Variants in POU6F1 observed in about 807,000 individuals in gnomAD.
The protein encoded by POU6F1 is POU class 6 homeobox 1, also known as POU domain, class 6, transcription factor 1.
In POU6F1, 9 loss-of-function variants were observed where a neutral mutation model predicts 28.9. The observed-to-expected ratio is 0.31, with a 90% confidence interval of 0.19 to 0.54. The LOEUF is 0.54. POU6F1 is among the 20% of genes least tolerant of loss of function. The pLI is 0.94. For missense variants in POU6F1, 338 were observed against 426.1 expected (o/e 0.79, Z 1.82); for synonymous variants, 173 against 171.1 (o/e 1.01, Z -0.09).
In POU6F1 at chr12:51,190,583, C is replaced by T. The variant is rs1942336691; in HGVS notation, c.1500G>A (p.Lys500=). 1 of 1,612,470 alleles carries T rather than the reference C, an allele frequency of 6.2e-7. No homozygotes were observed. Among genetic ancestry groups the T allele is most frequent in the East Asian group, 2.2e-5 (1 of 44,866 alleles). The change falls in exon 11 of 11, where the codon AAG becomes AAA. Residue 500 remains lysine (K), a synonymous_variant. Coordinates refer to ENST00000333640, the MANE Select transcript of POU6F1 (RefSeq NM_001330422.2). The surrounding 1 kb of genome is among the most constrained non-coding windows in gnomAD (Gnocchi z 4.5). ...GGGCACTCTTGGGTGTGATGTCTAG[C>T]TTCTCGAACCTGTGGGCAACCCATA... ...YSQSAICRFE[K]LDITPKSAQK... is the part of the protein sequence containing the mutation.
chr12:51,208,148 G>A (rs771494503), intron 1 of POU6F1, among the ~76,000 whole-genome samples: 8 of 151,220 alleles, frequency 5.3e-5, no homozygotes, highest in East Asian at 1.9e-4. Flanking sequence ...GCATGATGGC[G>A]CATGCCTATA....
chr12:51,211,552 G>A (rs1222400813), intron 1 of POU6F1, among the ~76,000 whole-genome samples: 1 of 152,066 alleles, frequency 6.6e-6, no homozygotes, highest in Non-Finnish European at 1.5e-5. Flanking sequence ...ATATCTTCCT[G>A]GGCAATGCAG....
rs1394106429 is a variant in POU6F1 at position 51,190,794 on chromosome 12, C to T, written c.1491-202G>A. On this transcript the variant is annotated intron_variant, in intron 10 of 10. Transcript: ENST00000333640. This position sits in a 1 kb window ranked among gnomAD's most constrained non-coding sequence, Gnocchi z 4.5. ...GACTCCTCAGACCCTCTGATGTGCC[C>T]GGTCCTAACAGGGAAACCATTCCCA... Among the ~76,000 whole-genome samples, 2 of 152,142 alleles carry T rather than the reference C, an allele frequency of 1.3e-5. No individual in the cohort carries two copies. Among genetic ancestry groups the T allele is most frequent in the African/African-American group, 2.4e-5 (1 of 41,440 alleles).
At chr12:51,198,299 T>TG (rs1698088204) in intron 5 of POU6F1, 4 of 395,216 alleles carry the variant, frequency 1.0e-5, no homozygotes, top group East Asian at 3.6e-5. Flanking sequence ...AGTTCTGGCG[T>TG]GGGGGGAGAG....
Position 51,198,587 on chromosome 12 carries a change from C to T in POU6F1, c.555G>A (p.Thr185=), listed in dbSNP as rs370046118. ...CTAAAGGTGGCTTGAACACTCCCCCCGTAGGAGAAGCAGCGGTCAGTCCTG... is the reference window on the plus strand; with the variant it reads ...CTAAAGGTGGCTTGAACACTCCCCCTGTAGGAGAAGCAGCGGTCAGTCCTG... ...ALPGLTAASP[T]GGVFKPPLAG... The change falls in exon 5 of 11, where the codon ACG becomes ACA. Residue 185 remains threonine (T), a synonymous_variant. Coordinates refer to ENST00000333640, the MANE Select transcript of POU6F1 (RefSeq NM_001330422.2). The T allele has an allele frequency of 4.2e-4, 167 of 399,224 alleles. No individual in the cohort carries two copies. The highest frequency in any genetic ancestry group is 3.2e-3 in the African/African-American group (154 of 48,724). 24.7% of individuals were successfully genotyped at this position (399,224 alleles called of 1,614,324 possible). A position where few individuals can be genotyped will look rare whatever the true frequency, so the allele number is the denominator to read the frequency against.
At position 51,217,967 on chromosome 12, in the gene POU6F1, C is replaced by G. The variant is rs1174144947; in HGVS notation, c.-373G>C. ...TCAGGTATATATTTTTCTTCGTTCC[C>G]CCTTCCACGACCCCCCCCTTTTCCC... On this transcript the variant is annotated 5_prime_UTR_variant, in exon 1 of 11. Coordinates refer to ENST00000333640, the MANE Select transcript of POU6F1 (RefSeq NM_001330422.2). The surrounding 1 kb of genome is among the most constrained non-coding windows in gnomAD (Gnocchi z 5.3). Among the ~76,000 whole-genome samples the G allele has an allele frequency of 6.6e-6, 1 of 151,998 alleles. No homozygotes were observed. The highest frequency in any genetic ancestry group is 2.4e-5 in the African/African-American group (1 of 41,482).
intron 3 of POU6F1, among the ~76,000 whole-genome samples, chr12:51,203,169 A>AG (rs1181686951): frequency 6.6e-6 from 1 of 152,202 alleles, no homozygotes; most frequent in Non-Finnish European, 1.5e-5. Flanking sequence ...CATTGATTTA[A>AG]GATCCATTTC....
At chr12:51,198,140 G>A (rs1780100806) in intron 5 of POU6F1, 117 bp from the exon 6 acceptor site, 1 of 398,114 alleles carries the variant, frequency 2.5e-6, no homozygotes. Flanking sequence ...GGCTCAGTGG[G>A]GCAGGCAGCC....
intron 1 of POU6F1, among the ~76,000 whole-genome samples, chr12:51,208,693 TC>T (rs1234037925): frequency 1.3e-5 from 2 of 152,140 alleles, no homozygotes; most frequent in Non-Finnish European, 2.9e-5. Context: ...ATGCCTGTAA[TC>T]CCAGGACTTA....
chr12:51,200,935 T>C (rs918718894), intron 3 of POU6F1, among the ~76,000 whole-genome samples: 3 of 152,148 alleles, frequency 2.0e-5, no homozygotes, highest in Admixed American at 2.0e-4. Context: ...TCAAGTGATG[T>C]GCCCGCCTCA....
In POU6F1 at chr12:51,191,725, A is replaced by G. The variant is rs1361046665; in HGVS notation, c.1361T>C (p.Leu454Ser). The G allele has an allele frequency of 7.4e-6, 12 of 1,614,060 alleles. No individual in the cohort carries two copies. Among genetic ancestry groups the G allele is most frequent in the Non-Finnish European group, 1.0e-5 (12 of 1,180,030 alleles). Residue 454 changes from leucine (L) to serine (S), a missense_variant, in exon 10 of 11, where the codon TTA becomes TCA. By Grantham distance (145) the Leu-to-Ser change is moderately radical. Transcript: ENST00000333640. ...CTTGGCAAACTCCCGGATCTCTTCT[A>G]AGTTGATCCCATCCTCATCCAGACT... Reference protein sequence around the residue: ...TPSLDEDGINLEEIREFAKNF... With the variant: ...TPSLDEDGINSEEIREFAKNF...
At chr12:51,193,937 G>A (rs371239735) in intron 8 of POU6F1, among the ~76,000 whole-genome samples, 28 of 152,286 alleles carry the variant, frequency 1.8e-4, no homozygotes, top group African/African-American at 6.3e-4. Context: ...TTCATCCCCA[G>A]GGCCTTTGAC....
At chr12:51,198,313 C>A (rs1439285450) in intron 5 of POU6F1, 2 of 396,502 alleles carry the variant, frequency 5.0e-6, no homozygotes, top group Non-Finnish European at 8.9e-6. Context: ...GGGAGAGGGG[C>A]AGTCTCAGAC....
At chr12:51,215,555 C>CAAA (rs11415220) in intron 1 of POU6F1, among the ~76,000 whole-genome samples, 1,972 of 87,716 alleles carry the variant, frequency 0.022, 122 homozygotes, top group African/African-American at 0.079. Flanking sequence ...AACCCTGTCT[C>CAAA]AAAAAAAAAA....
At chr12:51,207,397 G>A (rs1943701247) in intron 1 of POU6F1, 2 of 152,168 alleles carry the variant, frequency 1.3e-5, no homozygotes, top group African/African-American at 4.8e-5. Flanking sequence ...AGGAACATCT[G>A]GGCTTAGGGT....
intron 1 of POU6F1, among the ~76,000 whole-genome samples, chr12:51,216,718 C>G (rs2137251886): frequency 6.6e-6 from 1 of 152,310 alleles, no homozygotes; most frequent in South Asian, 2.1e-4. Flanking sequence ...CAATTGAAGA[C>G]CAGCCCTCTA....
Position 51,190,685 on chromosome 12 carries a change from G to A in POU6F1, c.1491-93C>T. On this transcript the variant is annotated intron_variant, in intron 10 of 10. Coordinates refer to ENST00000333640, the MANE Select transcript of POU6F1 (RefSeq NM_001330422.2). The surrounding 1 kb of genome is among the most constrained non-coding windows in gnomAD (Gnocchi z 4.5). The stretch of plus-strand genomic sequence containing the variant: ...TAGGTGCAGGCTCCATCCTCAAGGG[G>A]CCGCTCCTCTAGGGGCTGGTGAGAC... The A allele has an allele frequency of 1.3e-6, 2 of 1,525,392 alleles. No individual in the cohort carries two copies. Among genetic ancestry groups the A allele is most frequent in the Non-Finnish European group, 8.8e-7 (1 of 1,140,412 alleles). The allele number at this position is 1,525,392 out of a possible 1,614,324, so 94.5% of individuals were successfully genotyped here.
In POU6F1 at chr12:51,189,586, G is replaced by A. The variant is rs73305801; in HGVS notation, c.*661C>T. 6.5e-6 allele frequency: 1 copy of A among 152,754 alleles called. No individual in the cohort carries two copies. The highest frequency in any genetic ancestry group is 1.5e-5 in the Non-Finnish European group (1 of 68,376). The allele number at this position is 152,754 out of a possible 1,614,324, so 9.5% of individuals were successfully genotyped here. A position where few individuals can be genotyped will look rare whatever the true frequency, so the allele number is the denominator to read the frequency against. On this transcript the variant is annotated 3_prime_UTR_variant, in exon 11 of 11. Coordinates refer to ENST00000333640, the MANE Select transcript of POU6F1 (RefSeq NM_001330422.2). ...TTTTAGTGCAATTTTCCCCGCAAAG[G>A]AACCAGGAAGAGGTGGAAGAGGAGA...
At chr12:51,214,238 A>T (rs1010414628) in intron 1 of POU6F1, among the ~76,000 whole-genome samples, 2 of 152,292 alleles carry the variant, frequency 1.3e-5, no homozygotes, top group African/African-American at 4.8e-5. Flanking sequence ...GTGATATGAG[A>T]TCATGTAAAT....
Sources: allele counts gnomAD v4.1 joint callset (sites outside exome capture counted in the v4.1 genomes callset), GRCh38; gene constraint gnomAD v4.1.1; non-coding constraint Gnocchi (gnomAD v3.1); transcripts MANE v1.5; gene names NCBI Gene and HGNC (gene_info 2026-07-23, HGNC 2026-07-21).